The following KCNH8 variants were observed in gnomAD, a reference collection of about 807,000 sequenced individuals.
KCNH8 encodes voltage-gated delayed rectifier potassium channel KCNH8.
KCNH8 carries 70 observed loss-of-function variants against 103.6 expected under a neutral mutation model. The observed-to-expected ratio is 0.68, with a 90% CI of 0.56 to 0.82. The LOEUF (loss-of-function observed/expected upper bound fraction) is 0.82, where lower values mean the gene tolerates loss of function less well. Among genes scored for constraint, KCNH8 ranks in the 40% least tolerant of loss-of-function variants. KCNH8 has a pLI of 0.00. For synonymous variants in KCNH8, 498 were observed against 489.4 expected, an observed-to-expected ratio of 1.02 and a Z score of -0.23; for missense variants, 1,217 against 1,329.9, an observed-to-expected ratio of 0.92 and a Z score of 1.32.
At chr3:19,307,270 GAAAAC>G (rs970437283) in intron 3 of KCNH8, among the ~76,000 whole-genome samples, 7 of 151,766 alleles carry the variant, frequency 4.6e-5, no homozygotes, top group Non-Finnish European at 7.4e-5. Flanking sequence ...TTTTTCAAAA[GAAAAC>G]AAACCAATGG....
At chr3:19,529,819 G>A (rs1203761261) in intron 15 of KCNH8, among the ~76,000 whole-genome samples, 2 of 152,128 alleles carry the variant, frequency 1.3e-5, no homozygotes, top group African/African-American at 4.8e-5. Flanking sequence ...GTTCAGGGGT[G>A]TATCCCCAGA....
chr3:19,229,720 T>C (rs985137646), intron 1 of KCNH8, among the ~76,000 whole-genome samples: 5 of 152,216 alleles, frequency 3.3e-5, no homozygotes, highest in Non-Finnish European at 7.3e-5. Flanking sequence ...GACCTTATTG[T>C]TCATATCACT....
At chr3:19,300,369 T>C (rs1004586113) in intron 3 of KCNH8, among the ~76,000 whole-genome samples, 1 of 152,108 alleles carries the variant, frequency 6.6e-6, no homozygotes, top group Non-Finnish European at 1.5e-5. Context: ...ATAGGAAGAC[T>C]CACCATGGGG....
chr3:19,157,586 T>C (rs1014746226), intron 1 of KCNH8, among the ~76,000 whole-genome samples: 1 of 152,096 alleles, frequency 6.6e-6, no homozygotes, highest in African/African-American at 2.4e-5. Context: ...ATTTGGTAGA[T>C]ATTAATAATG....
chr3:19,451,357 C>A lies in KCNH8; in HGVS notation c.1778C>A (p.Ser593Ter). The A allele has an allele frequency of 6.2e-7, 1 of 1,613,586 alleles. No individual in the cohort carries two copies. The highest frequency in any genetic ancestry group is 1.1e-5 in the South Asian group (1 of 91,064). The change falls in exon 10 of 16, where the codon TCG becomes TAG. Residue 593 changes from serine (S) to a stop codon, truncating the protein, a stop_gained. Transcript: ENST00000328405. LOFTEE classifies it high-confidence loss of function. ...DALQAIYFVCSGSMEVLKDSM... is the reference protein window; with the variant it reads ...DALQAIYFVC ...TTGCAGGCCATCTACTTTGTATGCT[C>A]GGGCTCCATGGAAGTTCTTAAAGAC...
intron 2 of KCNH8, among the ~76,000 whole-genome samples, chr3:19,261,229 G>T (rs965490512): frequency 2.0e-5 from 3 of 151,622 alleles, no homozygotes; most frequent in Non-Finnish European, 4.4e-5. Context: ...GTTTAGAAGG[G>T]TTCCCTTTTC....
At chr3:19,206,222 TTA>T (rs568982343) in intron 1 of KCNH8, among the ~76,000 whole-genome samples, 1 of 146,236 alleles carries the variant, frequency 6.8e-6, no homozygotes. Flanking sequence ...CATACCACAG[TTA>T]TATATATATA....
At chr3:19,389,183 C>T (rs2066399207) in intron 5 of KCNH8, among the ~76,000 whole-genome samples, 1 of 152,158 alleles carries the variant, frequency 6.6e-6, no homozygotes, top group Non-Finnish European at 1.5e-5. Context: ...CATCCATTTA[C>T]TGTCTTACAG....
chr3:19,256,288 A>T (rs1194515658), intron 2 of KCNH8, among the ~76,000 whole-genome samples: 1 of 152,158 alleles, frequency 6.6e-6, no homozygotes, highest in Admixed American at 6.6e-5. Context: ...GTTATGAAGT[A>T]TTGGAGACTA....
chr3:19,211,050 A>T (rs1015323163), intron 1 of KCNH8, among the ~76,000 whole-genome samples: 8 of 152,158 alleles, frequency 5.3e-5, no homozygotes, highest in African/African-American at 1.9e-4. Flanking sequence ...TCATAAATAC[A>T]TGATGTCCCA....
intron 3 of KCNH8, chr3:19,314,824 G>C (rs1010351973): frequency 6.5e-6 from 1 of 154,128 alleles, no homozygotes; most frequent in African/African-American, 2.4e-5. Context: ...AATAGCATTG[G>C]ACTGAATAGC....
intron 1 of KCNH8, among the ~76,000 whole-genome samples, chr3:19,241,453 T>G (rs191985864): frequency 2.2e-4 from 33 of 152,276 alleles, no homozygotes; most frequent in Admixed American, 1.9e-3. Context: ...TGTAGACTAG[T>G]GTTTTTCCAA....
intron 1 of KCNH8, among the ~76,000 whole-genome samples, chr3:19,154,217 G>A (rs1214581225): frequency 6.6e-6 from 1 of 152,070 alleles, no homozygotes; most frequent in African/African-American, 2.4e-5. Context: ...TATGATAGGT[G>A]CAAAAACAAT....
Position 19,288,666 on chromosome 3 carries a change from T to C in KCNH8, c.442+7337T>C, listed in dbSNP as rs550379185. 2.8e-3 allele frequency among the ~76,000 whole-genome samples: 431 copies of C among 152,312 alleles called. 3 individuals carry two copies. Among genetic ancestry groups the C allele is most frequent in the African/African-American group, 1.0e-2 (414 of 41,554 alleles). On this transcript the variant is annotated intron_variant, in intron 3 of 15. Transcript: ENST00000328405. ...TTGGGTTGTTTCCAAGTCTTTGCTATTGTGAATAGTGCCGCAATAAACATA... is the reference window on the plus strand; with the variant it reads ...TTGGGTTGTTTCCAAGTCTTTGCTACTGTGAATAGTGCCGCAATAAACATA...
intron 11 of KCNH8, among the ~76,000 whole-genome samples, chr3:19,465,394 GA>G (rs1412535126): frequency 6.6e-6 from 1 of 152,130 alleles, no homozygotes; most frequent in African/African-American, 2.4e-5. Flanking sequence ...CCACTGTTGA[GA>G]CCTAGTGCTC....
intron 12 of KCNH8, 34 bp from the exon 13 acceptor site, chr3:19,512,936 A>T (rs759413746): frequency 6.3e-6 from 10 of 1,577,018 alleles, no homozygotes; most frequent in Admixed American, 1.8e-5. Context: ...CGGTTTTTGC[A>T]GTCTGTACTA....
At chr3:19,333,824 C>A (rs1227495686) in intron 3 of KCNH8, among the ~76,000 whole-genome samples, 1 of 152,246 alleles carries the variant, frequency 6.6e-6, no homozygotes, top group East Asian at 1.9e-4. Flanking sequence ...GTAAACAACA[C>A]CCTTCATCAA....
At chr3:19,199,621 A>G (rs570932939) in intron 1 of KCNH8, among the ~76,000 whole-genome samples, 3 of 150,288 alleles carry the variant, frequency 2.0e-5, no homozygotes, top group East Asian at 1.9e-4. Context: ...TGTTATGTAC[A>G]TATAAATATA....
intron 11 of KCNH8, among the ~76,000 whole-genome samples, chr3:19,477,394 A>T (rs999818431): frequency 2.0e-5 from 3 of 152,046 alleles, no homozygotes; most frequent in Non-Finnish European, 2.9e-5. Flanking sequence ...CCGAGAACTT[A>T]ACAATGAATG....
Sources: gnomAD v4.1 joint callset for allele counts (sites outside exome capture counted in the v4.1 genomes callset) on GRCh38, gnomAD v4.1.1 for gene constraint, MANE v1.5 for transcripts, NCBI Gene and HGNC (gene_info 2026-07-23, HGNC 2026-07-21) for gene names.